KCNH1: variants seen among roughly 807,000 people sequenced by gnomAD.
KCNH1 encodes potassium voltage-gated channel subfamily H member 1.
A neutral mutation model predicts 69.2 loss-of-function variants in KCNH1; 27 were observed. The ratio of observed to expected loss-of-function variants is 0.39; its 90% CI spans 0.29 to 0.54. The LOEUF is 0.54. Among genes scored for constraint, KCNH1 ranks in the 20% least tolerant of loss-of-function variants. The probability of loss-of-function intolerance (pLI) is 0.68; values close to 1 mark genes in which losing one functional copy is unlikely to be tolerated. For missense variants in KCNH1, 798 were observed against 1,261.6 expected, an observed-to-expected ratio of 0.63 and a Z score of 5.57; for synonymous variants, 456 against 487.7, an observed-to-expected ratio of 0.93 and a Z score of 0.86.
At chr1:210,771,611 C>A (rs555710236) in intron 10 of KCNH1, among the ~76,000 whole-genome samples, 1 of 149,344 alleles carries the variant, frequency 6.7e-6, no homozygotes, top group Non-Finnish European at 1.5e-5. Context: ...GTATCAATCA[C>A]GTGGACAGAA....
rs138240338 is a variant in KCNH1, at chr1:210,929,479, G to A, written c.1033-9410C>T. Among the ~76,000 whole-genome samples the A allele has an allele frequency of 8.1e-3, 1,230 of 152,092 alleles. 14 individuals carry two copies. Among genetic ancestry groups the A allele is most frequent in the African/African-American group, 0.026 (1,066 of 41,492 alleles). Reference sequence around the variant, plus strand: ...AAAGCATCTGACAAAATTCAGCATCGCTTTATGATTAAAACTCTCAGCAAA... The same window carrying A: ...AAAGCATCTGACAAAATTCAGCATCACTTTATGATTAAAACTCTCAGCAAA... On this transcript the variant is annotated intron_variant, in intron 6 of 10. Coordinates refer to ENST00000271751, the MANE Select transcript of KCNH1 (RefSeq NM_172362.3).
At chr1:211,067,200 A>G (rs962784533) in intron 5 of KCNH1, among the ~76,000 whole-genome samples, 2 of 152,170 alleles carry the variant, frequency 1.3e-5, no homozygotes, top group Non-Finnish European at 2.9e-5. Context: ...CTACAAACTG[A>G]GACTTTCCTC....
At chr1:210,708,940 C>T (rs932816133) in intron 10 of KCNH1, among the ~76,000 whole-genome samples, 12 of 152,076 alleles carry the variant, frequency 7.9e-5, no homozygotes, top group East Asian at 3.9e-4. Context: ...ATCCTTAATC[C>T]GAAATGACAG....
At chr1:210,837,108 A>G (rs937747935) in intron 7 of KCNH1, among the ~76,000 whole-genome samples, 6 of 152,184 alleles carry the variant, frequency 3.9e-5, no homozygotes, top group Middle Eastern at 3.4e-3. Flanking sequence ...GCCTTCCTCA[A>G]AGGCTCCATG....
At chr1:210,873,095 C>A (rs1686286944) in intron 7 of KCNH1, among the ~76,000 whole-genome samples, 1 of 152,134 alleles carries the variant, frequency 6.6e-6, no homozygotes, top group Non-Finnish European at 1.5e-5. Context: ...CTACCATGAC[C>A]ACTGAACTAT....
chr1:211,035,069 T>C (rs1571595826), intron 5 of KCNH1, among the ~76,000 whole-genome samples: 1 of 152,074 alleles, frequency 6.6e-6, no homozygotes, highest in Non-Finnish European at 1.5e-5. Context: ...GAATGCCAGG[T>C]TGACCACAGA....
intron 7 of KCNH1, among the ~76,000 whole-genome samples, chr1:210,855,003 C>G (rs537838855): frequency 1.3e-5 from 2 of 152,158 alleles, no homozygotes; most frequent in Non-Finnish European, 2.9e-5. Context: ...TCTTAGCCTA[C>G]CCTTTGCAAT....
chr1:210,904,980 G>A (rs1475425719), intron 7 of KCNH1, among the ~76,000 whole-genome samples: 1 of 152,152 alleles, frequency 6.6e-6, no homozygotes, highest in Non-Finnish European at 1.5e-5. Context: ...CACCACCTAT[G>A]TTCATCAGAA....
At chr1:210,756,231 G>A (rs1045785483) in intron 10 of KCNH1, among the ~76,000 whole-genome samples, 1 of 152,138 alleles carries the variant, frequency 6.6e-6, no homozygotes, top group African/African-American at 2.4e-5. Flanking sequence ...CTCATATCTT[G>A]GTTCATCCAG....
intron 9 of KCNH1, among the ~76,000 whole-genome samples, chr1:210,797,107 CT>C (rs1684330484): frequency 3.8e-5 from 4 of 104,570 alleles, no homozygotes; most frequent in African/African-American, 1.6e-4. Context: ...ATGCTATCCC[CT>C]CTTTTTAGGA....
chr1:211,108,636 G>C (rs1323523759), intron 1 of KCNH1: 1 of 152,232 alleles, frequency 6.6e-6, no homozygotes, highest in Non-Finnish European at 1.5e-5. Flanking sequence ...CCTGAGAGGA[G>C]ATAAGGGTTG....
intron 10 of KCNH1, among the ~76,000 whole-genome samples, chr1:210,721,922 G>C (rs1164974670): frequency 6.6e-6 from 1 of 152,202 alleles, no homozygotes; most frequent in Non-Finnish European, 1.5e-5. Context: ...ACCAGGCCCA[G>C]TTATTTGACC....
intron 10 of KCNH1, among the ~76,000 whole-genome samples, chr1:210,732,605 C>T (rs1341790178): frequency 2.0e-5 from 3 of 152,158 alleles, no homozygotes; most frequent in African/African-American, 7.2e-5. Flanking sequence ...CATTGGGGTG[C>T]TACAACAAGA....
intron 5 of KCNH1, among the ~76,000 whole-genome samples, chr1:211,078,346 C>A (rs1314455073): frequency 1.1e-4 from 17 of 152,122 alleles, no homozygotes; most frequent in Admixed American, 1.0e-3. Flanking sequence ...ATACTTATTC[C>A]AAAATTGACC....
intron 9 of KCNH1, among the ~76,000 whole-genome samples, chr1:210,792,531 T>C (rs1252478615): frequency 6.6e-6 from 1 of 152,114 alleles, no homozygotes; most frequent in Non-Finnish European, 1.5e-5. Flanking sequence ...ATAGGCTTAA[T>C]AGAAACAGAG....
chr1:211,077,472 T>G (rs543755558), intron 5 of KCNH1, among the ~76,000 whole-genome samples: 87 of 152,084 alleles, frequency 5.7e-4, no homozygotes, highest in African/African-American at 2.0e-3. Flanking sequence ...TTAAAGAAAA[T>G]AATTTTCAAC....
intron 7 of KCNH1, among the ~76,000 whole-genome samples, chr1:210,891,530 AAAGTAT>A (rs1316563792): frequency 6.7e-6 from 1 of 150,104 alleles, no homozygotes; most frequent in Non-Finnish European, 1.5e-5. Flanking sequence ...CCTAGAACTT[AAAGTAT>A]AATTAAAAAA....
chr1:211,049,196 T>A (rs1690148013), intron 5 of KCNH1, among the ~76,000 whole-genome samples: 1 of 152,118 alleles, frequency 6.6e-6, no homozygotes, highest in Non-Finnish European at 1.5e-5. Context: ...TGTAAACAAA[T>A]TATTAAAATA....
chr1:210,793,714 A>G (rs559455861), intron 9 of KCNH1, among the ~76,000 whole-genome samples: 1 of 152,364 alleles, frequency 6.6e-6, no homozygotes, highest in Non-Finnish European at 1.5e-5. Flanking sequence ...AGACAATGAG[A>G]TGAATGAGCT....
Sources: gnomAD v4.1 joint callset for allele counts (sites outside exome capture counted in the v4.1 genomes callset) on GRCh38, gnomAD v4.1.1 for gene constraint, MANE v1.5 for transcripts, NCBI Gene and HGNC (gene_info 2026-07-23, HGNC 2026-07-21) for gene names.